CADM2: variants seen among roughly 807,000 people sequenced by gnomAD.
CADM2 encodes cell adhesion molecule 2.
CADM2 carries 12 observed loss-of-function variants against 49.8 expected under a neutral mutation model. That is an observed-to-expected ratio of 0.24 (90% CI 0.15 to 0.39). The LOEUF is 0.39. Among genes scored for constraint, CADM2 ranks in the 10% least tolerant of loss-of-function variants. CADM2 has a pLI of 1.00. For synonymous variants in CADM2, 214 were observed against 175.4 expected (o/e 1.22, Z -1.74); for missense variants, 378 against 492.3 (o/e 0.77, Z 2.20).
intron 1 of CADM2, among the ~76,000 whole-genome samples, chr3:85,281,325 G>T (rs1355990664): frequency 6.6e-6 from 1 of 151,756 alleles, no homozygotes; most frequent in Admixed American, 6.6e-5. Flanking sequence ...AAATGTAAAA[G>T]ATATCCTAAT....
intron 7 of CADM2, among the ~76,000 whole-genome samples, chr3:85,958,373 G>T (rs1032977437): frequency 2.6e-5 from 4 of 151,982 alleles, no homozygotes; most frequent in Non-Finnish European, 5.9e-5. Context: ...TTCAACCATT[G>T]TGGCAGGCAC....
chr3:85,548,980 A>G (rs1419765137), intron 1 of CADM2, among the ~76,000 whole-genome samples: 1 of 152,192 alleles, frequency 6.6e-6, no homozygotes, highest in Non-Finnish European at 1.5e-5. Context: ...AGTTTGCAAA[A>G]TGTGTTTGTT....
chr3:86,069,047 T>C lies in CADM2; in HGVS notation c.*2264T>C, dbSNP rs1157970307. On this transcript the variant is annotated 3_prime_UTR_variant, in exon 10 of 10. Coordinates refer to ENST00000383699, the MANE Select transcript of CADM2 (RefSeq NM_001167675.2). ...AATGGAAAGGTTCTTATTACAGAAG[T>C]AAGTTGTACAAACTGCATCATCAAT... 1 of 151,968 alleles carries C rather than the reference T, an allele frequency of 6.6e-6. No homozygotes were observed. Among genetic ancestry groups the C allele is most frequent in the East Asian group, 1.9e-4 (1 of 5,192 alleles). 9.4% of individuals were successfully genotyped at this position (151,968 alleles called of 1,614,324 possible).
intron 1 of CADM2, among the ~76,000 whole-genome samples, chr3:85,254,022 G>C (rs1408856620): frequency 6.6e-6 from 1 of 151,986 alleles, no homozygotes; most frequent in Non-Finnish European, 1.5e-5. Context: ...CCCCCAAACT[G>C]CCTTCCACTT....
At chr3:85,402,087 A>G (rs2035140861) in intron 1 of CADM2, among the ~76,000 whole-genome samples, 1 of 152,156 alleles carries the variant, frequency 6.6e-6, no homozygotes, top group Non-Finnish European at 1.5e-5. Context: ...TTTTATAATT[A>G]GTATAAATAT....
chr3:85,405,352 CATT>C (rs1421688470), intron 1 of CADM2, among the ~76,000 whole-genome samples: 1 of 152,040 alleles, frequency 6.6e-6, no homozygotes, highest in African/African-American at 2.4e-5. Flanking sequence ...AGGTTTATAT[CATT>C]ATCTTATTTT....
intron 8 of CADM2, among the ~76,000 whole-genome samples, chr3:86,002,391 T>G (rs1327519477): frequency 6.6e-6 from 1 of 152,158 alleles, no homozygotes; most frequent in Non-Finnish European, 1.5e-5. Flanking sequence ...GTTAATATAG[T>G]ATATTCCCTG....
intron 2 of CADM2, among the ~76,000 whole-genome samples, chr3:85,737,580 C>A (rs1301173863): frequency 6.4e-5 from 8 of 124,986 alleles, no homozygotes; most frequent in African/African-American, 2.5e-4. Context: ...TTTTTTGAGA[C>A]GGAGTTTCTC....
intron 7 of CADM2, among the ~76,000 whole-genome samples, chr3:85,951,404 A>G (rs911221472): frequency 1.3e-5 from 2 of 150,996 alleles, no homozygotes; most frequent in East Asian, 1.9e-4. Context: ...AATTTATTCA[A>G]TCCTCTCCTT....
At chr3:85,407,607 G>A (rs1407681352) in intron 1 of CADM2, among the ~76,000 whole-genome samples, 1 of 152,102 alleles carries the variant, frequency 6.6e-6, no homozygotes, top group African/African-American at 2.4e-5. Flanking sequence ...GAAAGTTAAT[G>A]GGTCATGATG....
intron 8 of CADM2, among the ~76,000 whole-genome samples, chr3:86,044,195 G>C (rs1329463188): frequency 6.6e-6 from 1 of 152,162 alleles, no homozygotes; most frequent in Non-Finnish European, 1.5e-5. Context: ...GGCAACACAA[G>C]CCAAAATTGA....
At chr3:85,450,020 A>T (rs555976425) in intron 1 of CADM2, among the ~76,000 whole-genome samples, 1 of 152,316 alleles carries the variant, frequency 6.6e-6, no homozygotes, top group East Asian at 1.9e-4. Context: ...CAAGGTTAGG[A>T]AACAGGTAAA....
chr3:85,212,622 A>C (rs895947180), intron 1 of CADM2, among the ~76,000 whole-genome samples: 1 of 152,038 alleles, frequency 6.6e-6, no homozygotes, highest in African/African-American at 2.4e-5. Flanking sequence ...TTTCTGTTGC[A>C]TCTATTTATA....
chr3:85,590,315 G>T (rs938029347), intron 1 of CADM2, among the ~76,000 whole-genome samples: 3 of 151,982 alleles, frequency 2.0e-5, no homozygotes, highest in Non-Finnish European at 4.4e-5. Flanking sequence ...TACCAACCCA[G>T]AAGTGAAGTT....
intron 2 of CADM2, among the ~76,000 whole-genome samples, chr3:85,757,450 C>G (rs540167201): frequency 6.6e-5 from 10 of 151,892 alleles, no homozygotes; most frequent in African/African-American, 2.4e-4. Flanking sequence ...GTAACCTGGT[C>G]ACAGAAATAG....
chr3:85,100,522 G>A (rs889749606), intron 1 of CADM2, among the ~76,000 whole-genome samples: 6 of 152,166 alleles, frequency 3.9e-5, no homozygotes, highest in African/African-American at 1.2e-4. Context: ...AAAGTTGACA[G>A]ATAAATTAAA....
chr3:85,438,523 T>G (rs1039185790), intron 1 of CADM2, among the ~76,000 whole-genome samples: 3 of 152,260 alleles, frequency 2.0e-5, no homozygotes, highest in Middle Eastern at 3.4e-3. Flanking sequence ...AAAAAAAGAG[T>G]AATAGTTAAG....
At chr3:85,325,788 C>A (rs2044735853) in intron 1 of CADM2, among the ~76,000 whole-genome samples, 1 of 150,794 alleles carries the variant, frequency 6.6e-6, no homozygotes, top group African/African-American at 2.4e-5. Context: ...AAATCTATTT[C>A]TGCTATTCCT....
intron 8 of CADM2, among the ~76,000 whole-genome samples, chr3:86,024,652 T>G (rs1284633541): frequency 6.6e-6 from 1 of 152,172 alleles, no homozygotes; most frequent in African/African-American, 2.4e-5. Context: ...AAATTTGGCT[T>G]TACCAGATAC....
Sources: gnomAD v4.1 joint callset for allele counts (sites outside exome capture counted in the v4.1 genomes callset) on GRCh38, gnomAD v4.1.1 for gene constraint, MANE v1.5 for transcripts, NCBI Gene and HGNC (gene_info 2026-07-23, HGNC 2026-07-21) for gene names.